The following KIAA1143 variants were observed in gnomAD, a reference collection of about 807,000 sequenced individuals.
The protein encoded by KIAA1143 is uncharacterized protein KIAA1143.
A neutral mutation model predicts 17.0 loss-of-function variants in KIAA1143; 8 were observed. The observed-to-expected ratio is 0.47, with a 90% CI of 0.28 to 0.85. KIAA1143 has a LOEUF of 0.85. Among genes scored for constraint, KIAA1143 ranks in the 40% least tolerant of loss-of-function variants. The pLI is 0.12. For missense variants in KIAA1143, 162 were observed against 183.3 expected, an observed-to-expected ratio of 0.88 and a Z score of 0.67; for synonymous variants, 64 against 67.8, an observed-to-expected ratio of 0.94 and a Z score of 0.27.
intron 1 of KIAA1143, among the ~76,000 whole-genome samples, chr3:44,755,756 G>A (rs1274888061): frequency 6.6e-6 from 1 of 152,198 alleles, no homozygotes; most frequent in Admixed American, 6.5e-5. Context: ...TTGCACTGTG[G>A]TACCAATGTT....
rs1360747031 is a variant in KIAA1143 at position 44,750,357 on chromosome 3, G to C, written c.*2984C>G. On this transcript the variant is annotated 3_prime_UTR_variant, in exon 3 of 3. Coordinates refer to ENST00000296121, the MANE Select transcript of KIAA1143 (RefSeq NM_020696.4). ...GTGAGGTGGTGTTTAGCTTCCTTTG[G>C]GTTATACTGATAGAGATTTGTTGTT... 6.6e-6 allele frequency: 1 copy of C among 151,878 alleles called. No individual in the cohort carries two copies. The allele number at this position is 151,878 out of a possible 1,614,324, so 9.4% of individuals were successfully genotyped here. A position where few individuals can be genotyped will look rare whatever the true frequency, so the allele number is the denominator to read the frequency against.
intron 1 of KIAA1143, among the ~76,000 whole-genome samples, chr3:44,757,980 T>G (rs1424865422): frequency 6.6e-6 from 1 of 152,160 alleles, no homozygotes; most frequent in East Asian, 1.9e-4. Flanking sequence ...GTTCACACTA[T>G]ACACTAACTA....
At position 44,753,549 on chromosome 3, in the gene KIAA1143, T is replaced by G. The variant is rs1309841457; in HGVS notation, c.257A>C (p.Glu86Ala). ...KAEIKAAKAD[E>A]EPTPADGRII... ...TCTTCCATCGGCTGGAGTTGGTTCT[T>G]CATCTGAGCAAAAACAGAATTTTTA... The change falls in exon 3 of 3, where the codon GAA becomes GCA. Residue 86 changes from glutamate to alanine, a missense_variant. Glu to Ala is a moderately radical substitution (Grantham distance 107). Transcript: ENST00000296121. 1.2e-6 allele frequency: 2 copies of G among 1,606,870 alleles called. No homozygotes were observed. Among genetic ancestry groups the G allele is most frequent in the Non-Finnish European group, 1.7e-6 (2 of 1,176,628 alleles).
chr3:44,759,820 AG>A (rs1705034375), intron 1 of KIAA1143, among the ~76,000 whole-genome samples: 1 of 146,308 alleles, frequency 6.8e-6, no homozygotes, highest in Non-Finnish European at 1.5e-5. Flanking sequence ...ACTTGAGCCC[AG>A]GAGGTCAAGG....
In KIAA1143 at chr3:44,761,563, C is replaced by T. The variant is rs757482161; in HGVS notation, c.40G>A (p.Glu14Lys). ...TTGAAGCGGGCCAGAAACGCCGGCT[C>T]GGCTGGCCGCACGTACGATACCTGG... is the stretch of plus-strand genomic sequence containing the variant. Reference protein sequence around the residue: ...RNQVSYVRPAEPAFLARFKER... With the variant: ...RNQVSYVRPAKPAFLARFKER... Residue 14 changes from glutamate to lysine, a missense_variant, in exon 1 of 3, where the codon GAG becomes AAG. Around this residue, in one of 2 missense-constraint regions of KIAA1143, gnomAD observed 137 missense variants for 132.5 expected, o/e 1.03. Coordinates refer to ENST00000296121, the MANE Select transcript of KIAA1143 (RefSeq NM_020696.4). The T allele has an allele frequency of 8.7e-6, 14 of 1,614,012 alleles. No individual in the cohort carries two copies. Among genetic ancestry groups the T allele is most frequent in the Middle Eastern group, 3.3e-4 (2 of 6,084 alleles).
rs751976283 is a variant in KIAA1143, at chr3:44,754,388, CA to C, written c.109-21del. 51 of 1,609,894 alleles carry C rather than the reference CA, an allele frequency of 3.2e-5. No individual in the cohort carries two copies. In the Middle Eastern group the frequency reaches 3.6e-3, roughly 115 times the overall value. On this transcript the variant is annotated intron_variant, in intron 1 of 2. Transcript: ENST00000296121. ...AATTCTCTAGGGAAAAACACAAATA[CA>C]ATGTGTAGATCACTGATCTTGAGAC...
chr3:44,761,533 G>A lies in KIAA1143; in HGVS notation c.70C>T (p.Arg24Trp), dbSNP rs761352502. Reference protein sequence around the residue: ...EPAFLARFKERVGYREGPTVE... With the variant: ...EPAFLARFKEWVGYREGPTVE... ...GTGGGTCCCTCCCTGTAGCCGACCC[G>A]TTCCTTGAAGCGGGCCAGAAACGCC... Residue 24 changes from arginine to tryptophan, a missense_variant, in exon 1 of 3, where the codon CGG becomes TGG. Arg to Trp is a moderately radical substitution (Grantham distance 101). This residue lies in a region of KIAA1143 where 137 missense variants were observed against 132.5 expected (regional missense o/e 1.03). Coordinates refer to ENST00000296121, the MANE Select transcript of KIAA1143 (RefSeq NM_020696.4). 9 of 1,614,132 alleles carry A rather than the reference G, an allele frequency of 5.6e-6. No homozygotes were observed. The highest frequency in any genetic ancestry group is 6.8e-6 in the Non-Finnish European group (8 of 1,180,022).
In KIAA1143 at chr3:44,753,162, A is replaced by G. The variant is rs1333466847; in HGVS notation, c.*179T>C. Reference sequence around the variant, plus strand: ...AAAATGTTAATACTAGCTAATTTCTATAGAGTTGGCATTTTAAGTCAGAGG... The same window carrying G: ...AAAATGTTAATACTAGCTAATTTCTGTAGAGTTGGCATTTTAAGTCAGAGG... On this transcript the variant is annotated 3_prime_UTR_variant, in exon 3 of 3. Transcript: ENST00000296121. 2 of 489,170 alleles carry G rather than the reference A, an allele frequency of 4.1e-6. No homozygotes were observed. Among genetic ancestry groups the G allele is most frequent in the Non-Finnish European group, 7.2e-6 (2 of 278,646 alleles). 30.3% of individuals were successfully genotyped at this position (489,170 alleles called of 1,614,324 possible). A position where few individuals can be genotyped will look rare whatever the true frequency, so the allele number is the denominator to read the frequency against.
chr3:44,753,292 T>C lies in KIAA1143; in HGVS notation c.*49A>G. 2 of 1,394,906 alleles carry C rather than the reference T, an allele frequency of 1.4e-6. No homozygotes were observed. 86.4% of individuals were successfully genotyped at this position (1,394,906 alleles called of 1,614,324 possible). A position where few individuals can be genotyped will look rare whatever the true frequency, so the allele number is the denominator to read the frequency against. On this transcript the variant is annotated 3_prime_UTR_variant, in exon 3 of 3. Coordinates refer to ENST00000296121, the MANE Select transcript of KIAA1143 (RefSeq NM_020696.4). ...ATAATAGGAAAAAATGTGATTTTAATGAACACTCCATATACTTTCAAAGTA... is the reference window on the plus strand; with the variant it reads ...ATAATAGGAAAAAATGTGATTTTAACGAACACTCCATATACTTTCAAAGTA...
At chr3:44,756,543 A>G (rs1196801144) in intron 1 of KIAA1143, among the ~76,000 whole-genome samples, 1 of 152,200 alleles carries the variant, frequency 6.6e-6, no homozygotes, top group Non-Finnish European at 1.5e-5. Context: ...AGCCTAAGCA[A>G]CAGAGAAAGA....
At chr3:44,755,937 A>G (rs1704963915) in intron 1 of KIAA1143, among the ~76,000 whole-genome samples, 1 of 152,166 alleles carries the variant, frequency 6.6e-6, no homozygotes, top group Non-Finnish European at 1.5e-5. Context: ...ACTATAACTC[A>G]AGTTCTCAAG....
Position 44,749,572 on chromosome 3 carries a change from A to G in KIAA1143, c.*3769T>C, listed in dbSNP as rs1192825912. The G allele has an allele frequency of 6.6e-6, 1 of 152,154 alleles. No homozygotes were observed. The highest frequency in any genetic ancestry group is 2.4e-5 in the African/African-American group (1 of 41,448). The allele number at this position is 152,154 out of a possible 1,614,324, so 9.4% of individuals were successfully genotyped here. A position where few individuals can be genotyped will look rare whatever the true frequency, so the allele number is the denominator to read the frequency against. On this transcript the variant is annotated 3_prime_UTR_variant, in exon 3 of 3. Transcript: ENST00000296121. ...GCAGGGTCTTGAGGAATCACCTCTAAAGGCTCAGACTTTAAAGTGCTTCCC... is the reference window on the plus strand; with the variant it reads ...GCAGGGTCTTGAGGAATCACCTCTAGAGGCTCAGACTTTAAAGTGCTTCCC...
intron 1 of KIAA1143, 26 bp from the exon 2 acceptor site, chr3:44,754,394 G>T (rs1364732550): frequency 6.2e-7 from 1 of 1,604,544 alleles, no homozygotes; most frequent in African/African-American, 1.3e-5. Context: ...AATACAATGT[G>T]TAGATCACTG....
chr3:44,753,603 T>C (rs1409078525), intron 2 of KIAA1143, 51 bp from the exon 3 acceptor site: 1 of 1,551,336 alleles, frequency 6.4e-7, no homozygotes, highest in Admixed American at 1.9e-5. Flanking sequence ...TTATTTTGCC[T>C]TTACCTTAGA....
intron 2 of KIAA1143, 33 bp downstream of exon 2, chr3:44,754,191 T>C: frequency 6.2e-7 from 1 of 1,607,028 alleles, no homozygotes. Context: ...GCTCCTTAAA[T>C]TGTTAGAAAA....
At chr3:44,755,020 A>G (rs1389859643) in intron 1 of KIAA1143, among the ~76,000 whole-genome samples, 3 of 152,208 alleles carry the variant, frequency 2.0e-5, no homozygotes, top group African/African-American at 7.2e-5. Context: ...TATATGTGTA[A>G]CAGATGGTAA....
chr3:44,757,093 C>T (rs1189667260), intron 1 of KIAA1143, among the ~76,000 whole-genome samples: 3 of 152,110 alleles, frequency 2.0e-5, no homozygotes, highest in South Asian at 2.1e-4. Flanking sequence ...AAAGGATTCC[C>T]GAAGTTCTCT....
chr3:44,755,011 A>T (rs1320619731), intron 1 of KIAA1143, among the ~76,000 whole-genome samples: 2 of 152,198 alleles, frequency 1.3e-5, no homozygotes, highest in African/African-American at 4.8e-5. Flanking sequence ...TACTCCCTGT[A>T]TATGTGTAAC....
chr3:44,752,998 T>C lies in KIAA1143; in HGVS notation c.*343A>G, dbSNP rs1704910788. ...ATTTACTGACCTGGAAGAATACTCGTAATGCAATGTCAAGTGAGAAGCAGG... is the reference window on the plus strand; with the variant it reads ...ATTTACTGACCTGGAAGAATACTCGCAATGCAATGTCAAGTGAGAAGCAGG... On this transcript the variant is annotated 3_prime_UTR_variant, in exon 3 of 3. Coordinates refer to ENST00000296121, the MANE Select transcript of KIAA1143 (RefSeq NM_020696.4). 6.1e-6 allele frequency: 1 copy of C among 163,068 alleles called. No homozygotes were observed. Among genetic ancestry groups the C allele is most frequent in the Admixed American group, 6.2e-5 (1 of 16,210 alleles). 10.1% of individuals were successfully genotyped at this position (163,068 alleles called of 1,614,324 possible). A position where few individuals can be genotyped will look rare whatever the true frequency, so the allele number is the denominator to read the frequency against.
Sources: allele counts gnomAD v4.1 joint callset (sites outside exome capture counted in the v4.1 genomes callset), GRCh38; gene constraint gnomAD v4.1.1; regional missense constraint gnomAD v4.1.1; transcripts MANE v1.5; gene names NCBI Gene and HGNC (gene_info 2026-07-23, HGNC 2026-07-21).